The following TNS2 variants were observed in gnomAD, a reference collection of about 807,000 sequenced individuals.
The protein encoded by TNS2 is tensin-2.
A neutral mutation model predicts 155.7 loss-of-function variants in TNS2; 77 were observed. The ratio of observed to expected loss-of-function variants is 0.49; its 90% CI spans 0.41 to 0.60. The LOEUF (loss-of-function observed/expected upper bound fraction) is 0.60, where lower values mean the gene tolerates loss of function less well. TNS2 is among the 20% of genes least tolerant of loss of function. The probability of loss-of-function intolerance (pLI) is 0.00; values close to 1 mark genes in which losing one functional copy is unlikely to be tolerated. For missense variants in TNS2, 1,703 were observed against 1,868.8 expected (o/e 0.91, Z 1.64); for synonymous variants, 726 against 763.9 (o/e 0.95, Z 0.82).
Position 53,059,132 on chromosome 12 carries a change from C to A in TNS2, c.1491C>A (p.Pro497=). 6.3e-7 allele frequency: 1 copy of A among 1,585,808 alleles called. No homozygotes were observed. Among genetic ancestry groups the A allele is most frequent in the South Asian group, 1.1e-5 (1 of 87,308 alleles). The change falls in exon 18 of 29, where the codon CCC becomes CCA. Residue 497 remains proline (P), a synonymous_variant. Transcript: ENST00000314250. This position sits in a 1 kb window ranked among gnomAD's most constrained non-coding sequence, Gnocchi z 4.7. The part of the protein sequence containing the change: ...QRPPRQTPPA[P]SPEPPPPPML... ...CTCCCCGGCAGACCCCCCCGGCACCCTCTCCAGAGCCTCCACCACCCCCCA... is the reference window on the plus strand; with the variant it reads ...CTCCCCGGCAGACCCCCCCGGCACCATCTCCAGAGCCTCCACCACCCCCCA...
At position 53,050,645 on chromosome 12, in the gene TNS2, G is replaced by T. The variant is rs1027458905; in HGVS notation, c.75+385G>T. Among the ~76,000 whole-genome samples the T allele has an allele frequency of 6.6e-6, 1 of 152,084 alleles. No individual in the cohort carries two copies. Among genetic ancestry groups the T allele is most frequent in the African/African-American group, 2.4e-5 (1 of 41,404 alleles). ...AAGTTTGAGGGAAATGGGGTGGCAGGGTGGAAAAAGAGAGAGGAGAGGGAG... is the reference window on the plus strand; with the variant it reads ...AAGTTTGAGGGAAATGGGGTGGCAGTGTGGAAAAAGAGAGAGGAGAGGGAG... On this transcript the variant is annotated intron_variant, in intron 1 of 28. Coordinates refer to ENST00000314250, the MANE Select transcript of TNS2 (RefSeq NM_170754.4). The surrounding 1 kb of genome is among the most constrained non-coding windows in gnomAD (Gnocchi z 4.7).
At position 53,062,644 on chromosome 12, in the gene TNS2, C is replaced by A. The variant is rs371647800; in HGVS notation, c.3770C>A (p.Ala1257Asp). Residue 1257 changes from alanine to aspartate, a missense_variant, in exon 25 of 29, where the codon GCT (alanine) becomes GAT (aspartate). By Grantham distance (126) the Ala-to-Asp change is moderately radical. Coordinates refer to ENST00000314250, the MANE Select transcript of TNS2 (RefSeq NM_170754.4). ...SKDPLEETPE[A>D]PVPTNMSTAA... Reference sequence around the variant, plus strand: ...GATCCTCTGGAAGAGACCCCAGAGGCTCCAGTGCCCACCAACATGAGCACA... The same window carrying A: ...GATCCTCTGGAAGAGACCCCAGAGGATCCAGTGCCCACCAACATGAGCACA... 18 of 1,613,948 alleles carry A rather than the reference C, an allele frequency of 1.1e-5. No individual in the cohort carries two copies. In the African/African-American group the frequency reaches 2.4e-4, roughly 22 times the overall value.
rs754040003 is a variant in TNS2, at chr12:53,055,242, A to T, written c.573+6A>T. 3.1e-6 allele frequency: 5 copies of T among 1,613,894 alleles called. No homozygotes were observed. The highest frequency in any genetic ancestry group is 4.2e-6 in the Non-Finnish European group (5 of 1,179,886). ...TGACCCGCTTAAACCCCAAGGTATG[A>T]AGGAAATGGCCTGCCCAACCATTAA... On this transcript the variant is annotated splice_donor_region_variant and intron_variant, in intron 8 of 28. Coordinates refer to ENST00000314250, the MANE Select transcript of TNS2 (RefSeq NM_170754.4).
chr12:53,060,380 A>G lies in TNS2; in HGVS notation c.2618-25A>G, dbSNP rs1223846299. ...GACAGAAGAGCCCCATCCTGCTCAC[A>G]GCCCACCTCTCCCCTTCACTGCAGA... On this transcript the variant is annotated intron_variant, in intron 18 of 28. Coordinates refer to ENST00000314250, the MANE Select transcript of TNS2 (RefSeq NM_170754.4). The surrounding 1 kb of genome is among the most constrained non-coding windows in gnomAD (Gnocchi z 6.1). 1.9e-6 allele frequency: 3 copies of G among 1,605,624 alleles called. No individual in the cohort carries two copies. The highest frequency in any genetic ancestry group is 4.5e-5 in the East Asian group (2 of 44,672).
upstream of TNS2, among the ~76,000 whole-genome samples, chr12:53,047,295 C>A (rs1038600480): frequency 7.0e-6 from 1 of 142,468 alleles, no homozygotes; most frequent in African/African-American, 2.5e-5. Flanking sequence ...CGGGCACGGG[C>A]GGGATGGGCT....
intron 10 of TNS2, 135 bp from the exon 11 acceptor site, chr12:53,056,878 A>C (rs1944178606): frequency 5.1e-6 from 4 of 788,352 alleles, no homozygotes; most frequent in Middle Eastern, 2.5e-4. Context: ...GGTGCTTCTC[A>C]TTCTCATTAC....
At chr12:53,055,988 C>G in intron 10 of TNS2, 143 bp downstream of exon 10, 2 of 790,016 alleles carry the variant, frequency 2.5e-6, no homozygotes, top group Non-Finnish European at 2.0e-6. Context: ...CCTTTTATCA[C>G]TAGTACTGCA....
rs141133063 is a variant in TNS2 at position 53,059,060 on chromosome 12, C to T, written c.1419C>T (p.His473=). The change falls in exon 18 of 29, where the codon CAC becomes CAT. Residue 473 remains histidine (H), a synonymous_variant. Coordinates refer to ENST00000314250, the MANE Select transcript of TNS2 (RefSeq NM_170754.4). The surrounding 1 kb of genome is among the most constrained non-coding windows in gnomAD (Gnocchi z 4.7). The part of the protein sequence containing the change: ...HEDSVDGSLT[H]TRGPLDGSPY... ...TTCCCCACTCAGGCTCCTTGACCCA[C>T]ACCCGGGGTCCCCTGGATGGCAGTC... 1.1e-4 allele frequency: 169 copies of T among 1,537,828 alleles called. No homozygotes were observed. In the African/African-American group the frequency reaches 2.2e-3, roughly 20 times the overall value.
upstream of TNS2, among the ~76,000 whole-genome samples, chr12:53,049,613 T>C (rs146768605): frequency 7.4e-4 from 113 of 152,228 alleles, no homozygotes; most frequent in Non-Finnish European, 1.5e-3. Flanking sequence ...AGTCCCATTT[T>C]TACCTGACTC....
Position 53,063,523 on chromosome 12 carries a change from C to G in TNS2, c.4062-40C>G, listed in dbSNP as rs1254318341. 2 of 1,579,108 alleles carry G rather than the reference C, an allele frequency of 1.3e-6. No individual in the cohort carries two copies. Among genetic ancestry groups the G allele is most frequent in the Non-Finnish European group, 8.6e-7 (1 of 1,156,666 alleles). The stretch of plus-strand genomic sequence containing the variant: ...GCCCCGGCCCCCCTTCAGCAGCTGT[C>G]CCCTGGGGTGTGCATCTTCACCTTC... On this transcript the variant is annotated intron_variant, in intron 27 of 28. Transcript: ENST00000314250. This position sits in a 1 kb window ranked among gnomAD's most constrained non-coding sequence, Gnocchi z 5.6.
chr12:53,058,145 C>T (rs369483999), intron 14 of TNS2, 43 bp downstream of exon 14: 19 of 1,613,258 alleles, frequency 1.2e-5, no homozygotes, highest in Non-Finnish European at 1.6e-5. Context: ...GGAGATGGGG[C>T]AGGGGTTGGT....
upstream of TNS2, chr12:53,049,039 C>G: frequency 1.2e-6 from 1 of 816,996 alleles, no homozygotes; most frequent in Non-Finnish European, 1.9e-6. Context: ...AACCCCTTAG[C>G]TTTTAGGAAG....
intron 24 of TNS2, 29 bp downstream of exon 24, chr12:53,062,482 C>T (rs749017938): frequency 2.0e-5 from 32 of 1,612,308 alleles, no homozygotes; most frequent in Admixed American, 5.0e-5. Flanking sequence ...GTCCTCCCCA[C>T]CTCTCCCTAC....
upstream of TNS2, among the ~76,000 whole-genome samples, chr12:53,048,008 GGA>G (rs1266951276): frequency 3.3e-5 from 5 of 152,168 alleles, no homozygotes; most frequent in Non-Finnish European, 7.4e-5. Flanking sequence ...CCAAGACTTC[GGA>G]GAGAGAGGGG....
intron 10 of TNS2, 132 bp from the exon 11 acceptor site, chr12:53,056,881 C>A: frequency 1.2e-6 from 1 of 803,712 alleles, no homozygotes; most frequent in Non-Finnish European, 2.0e-6. Flanking sequence ...GCTTCTCATT[C>A]TCATTACCAC....
In TNS2 at chr12:53,055,478, C is replaced by T. The variant is rs533134740; in HGVS notation, c.574-90C>T. ...ACCAGCAGACCCCCAGCCTTGCCCC[C>T]GGACCCCTATGCCCTGTCCCCTTTC... On this transcript the variant is annotated intron_variant, in intron 8 of 28. Transcript: ENST00000314250. 3.8e-5 allele frequency: 57 copies of T among 1,483,800 alleles called. No individual in the cohort carries two copies. In the African/African-American group the frequency reaches 5.5e-4, roughly 14 times the overall value. The allele number at this position is 1,483,800 out of a possible 1,614,324, so 91.9% of individuals were successfully genotyped here. A position where few individuals can be genotyped will look rare whatever the true frequency, so the allele number is the denominator to read the frequency against.
Position 53,054,027 on chromosome 12 carries a change from G to A in TNS2, c.350+13G>A. 1 of 1,614,082 alleles carries A rather than the reference G, an allele frequency of 6.2e-7. No individual in the cohort carries two copies. Among genetic ancestry groups the A allele is most frequent in the African/African-American group, 1.3e-5 (1 of 75,058 alleles). On this transcript the variant is annotated intron_variant, in intron 6 of 28. Coordinates refer to ENST00000314250, the MANE Select transcript of TNS2 (RefSeq NM_170754.4). ...GCACTCTGCCCAGGTAAGTGAGGGT[G>A]CTGGGGTGGTCCCACGTGACCCCCT...
chr12:53,063,068 A>ACCCACTCCCTGC lies in TNS2; in HGVS notation c.3824-17_3824-6dup. ...CTAGGGGATGGGCACTCCCTCCCTG[A>ACCCACTCCCTGC]CCCACTCCCTGCCCCTGTAGCCTGC... On this transcript the variant is annotated intron_variant, in intron 25 of 28. Transcript: ENST00000314250. This position sits in a 1 kb window ranked among gnomAD's most constrained non-coding sequence, Gnocchi z 5.6. 6.6e-7 allele frequency: 1 copy of ACCCACTCCCTGC among 1,515,230 alleles called. No homozygotes were observed. Among genetic ancestry groups the ACCCACTCCCTGC allele is most frequent in the Non-Finnish European group, 8.8e-7 (1 of 1,134,734 alleles). The allele number at this position is 1,515,230 out of a possible 1,614,324, so 93.9% of individuals were successfully genotyped here. A position where few individuals can be genotyped will look rare whatever the true frequency, so the allele number is the denominator to read the frequency against.
At position 53,057,684 on chromosome 12, in the gene TNS2, G is replaced by A. The variant is rs1401758346; in HGVS notation, c.958+5G>A. Reference sequence around the variant, plus strand: ...CAGCCTTTGAACCTGGCACAGGTGAGTCTGCCTGAGATGTGCTCCCTAGGG... The same window carrying A: ...CAGCCTTTGAACCTGGCACAGGTGAATCTGCCTGAGATGTGCTCCCTAGGG... On this transcript the variant is annotated splice_donor_5th_base_variant and intron_variant, in intron 12 of 28. Coordinates refer to ENST00000314250, the MANE Select transcript of TNS2 (RefSeq NM_170754.4). 6.2e-7 allele frequency: 1 copy of A among 1,614,118 alleles called. No homozygotes were observed. The highest frequency in any genetic ancestry group is 2.2e-5 in the East Asian group (1 of 44,890).
Sources: allele counts gnomAD v4.1 joint callset (sites outside exome capture counted in the v4.1 genomes callset), GRCh38; gene constraint gnomAD v4.1.1; non-coding constraint Gnocchi (gnomAD v3.1); transcripts MANE v1.5; gene names NCBI Gene and HGNC (gene_info 2026-07-23, HGNC 2026-07-21).